The following CHSY3 variants were observed in gnomAD, a reference collection of about 807,000 sequenced individuals.
CHSY3 encodes the protein N-acetylgalactosaminyl-proteoglycan 3-beta-glucuronosyltransferase 3.
A neutral mutation model predicts 67.2 loss-of-function variants in CHSY3; 35 were observed. The ratio of observed to expected loss-of-function variants is 0.52; its 90% confidence interval spans 0.40 to 0.69. The LOEUF is 0.69. CHSY3 is among the 30% of genes least tolerant of loss of function. CHSY3 has a pLI of 0.00. For missense variants in CHSY3, 1,069 were observed against 1,138.5 expected (o/e 0.94, Z 0.88); for synonymous variants, 474 against 434.7 (o/e 1.09, Z -1.12).
chr5:130,179,440 A>T (rs1770179562), intron 2 of CHSY3, among the ~76,000 whole-genome samples: 1 of 151,636 alleles, frequency 6.6e-6, no homozygotes, highest in African/African-American at 2.4e-5. Context: ...TCACTTTCCT[A>T]ATTTCTGCCG....
At chr5:129,922,998 G>C (rs1268263796) in intron 2 of CHSY3, among the ~76,000 whole-genome samples, 1 of 152,250 alleles carries the variant, frequency 6.6e-6, no homozygotes, top group African/African-American at 2.4e-5. Flanking sequence ...ACCGTGATCA[G>C]ATTACCTCTT....
At chr5:129,933,207 G>A (rs530425448) in intron 2 of CHSY3, among the ~76,000 whole-genome samples, 6 of 152,058 alleles carry the variant, frequency 3.9e-5, no homozygotes, top group Non-Finnish European at 7.4e-5. Context: ...GAAGTGACCC[G>A]GTGCAAACTC....
chr5:130,152,354 G>A (rs927166784), intron 2 of CHSY3, among the ~76,000 whole-genome samples: 1 of 152,168 alleles, frequency 6.6e-6, no homozygotes, highest in Admixed American at 6.5e-5. Flanking sequence ...GCTGCAGACT[G>A]ACTATTAATG....
At chr5:130,013,761 C>G (rs1348407657) in intron 2 of CHSY3, among the ~76,000 whole-genome samples, 1 of 152,232 alleles carries the variant, frequency 6.6e-6, no homozygotes, top group Admixed American at 6.5e-5. Context: ...GCGATTAAGT[C>G]TCTGACATGC....
rs535380425 is a variant in CHSY3, at chr5:130,127,742, T to C, written c.1087-56487T>C. On this transcript the variant is annotated intron_variant, in intron 2 of 2. Coordinates refer to ENST00000305031, the MANE Select transcript of CHSY3 (RefSeq NM_175856.5). ...TATCATACCATCAGCTTCTTAAGGA[T>C]TAAAACCTGTTTCTGGTGCTTTTTC... Among the ~76,000 whole-genome samples, 10 of 152,320 alleles carry C rather than the reference T, an allele frequency of 6.6e-5. No individual in the cohort carries two copies. In the East Asian group the frequency reaches 1.7e-3, roughly 26 times the overall value.
At chr5:130,020,461 A>ATATATTTT (rs1371121130) in intron 2 of CHSY3, among the ~76,000 whole-genome samples, 13 of 79,928 alleles carry the variant, frequency 1.6e-4, no homozygotes, top group Non-Finnish European at 4.5e-5. Flanking sequence ...ATATATATAT[A>ATATATTTT]TTTTTTTTTT....
At chr5:129,913,267 AG>A (rs1475737479) in intron 2 of CHSY3, among the ~76,000 whole-genome samples, 1 of 152,184 alleles carries the variant, frequency 6.6e-6, no homozygotes, top group Non-Finnish European at 1.5e-5. Flanking sequence ...TGGCTTACAT[AG>A]GCATAAAAGT....
intron 2 of CHSY3, among the ~76,000 whole-genome samples, chr5:130,099,696 C>T (rs62393170): frequency 0.23 from 34,689 of 152,056 alleles, 4,174 homozygotes; most frequent in East Asian, 0.37. Flanking sequence ...TGTGAATACT[C>T]TTATAAGTGC....
Position 130,143,738 on chromosome 5 carries a change from ATATATATATATATATATATGTGTGTG to A in CHSY3, c.1087-40489_1087-40464del, listed in dbSNP as rs1768954161. On this transcript the variant is annotated intron_variant, in intron 2 of 2. Coordinates refer to ENST00000305031, the MANE Select transcript of CHSY3 (RefSeq NM_175856.5). ...TATATATATGTGTGTGTGTGTGTAT[ATATATATATATATATATATGTGTGTG>A]TGTGTATATATATATATGTGTATAT... is the stretch of plus-strand genomic sequence containing the variant. 2.8e-5 allele frequency among the ~76,000 whole-genome samples: 3 copies of A among 107,452 alleles called. No individual in the cohort carries two copies. The East Asian group carries it at 9.2e-4, about 33-fold the overall frequency. The allele number at this position is 107,452 out of a possible 152,430, so 70.5% of individuals were successfully genotyped here.
At chr5:129,975,345 G>A (rs952332046) in intron 2 of CHSY3, among the ~76,000 whole-genome samples, 3 of 152,064 alleles carry the variant, frequency 2.0e-5, no homozygotes, top group African/African-American at 7.2e-5. Flanking sequence ...ATTTTAAAAT[G>A]ATTACTTTAT....
At chr5:130,151,967 G>T (rs1769244469) in intron 2 of CHSY3, among the ~76,000 whole-genome samples, 1 of 152,202 alleles carries the variant, frequency 6.6e-6, no homozygotes, top group Non-Finnish European at 1.5e-5. Context: ...ATACATCTGA[G>T]AAGTTTTTAA....
Position 130,185,745 on chromosome 5 carries a change from G to T in CHSY3, c.2603G>T (p.Trp868Leu). The T allele has an allele frequency of 6.2e-7, 1 of 1,610,550 alleles. No individual in the cohort carries two copies. Among genetic ancestry groups the T allele is most frequent in the Non-Finnish European group, 8.5e-7 (1 of 1,177,652 alleles). ...FASTMQLAEL[W>L]LEKHLGVRYN... ...TCAACCATGCAACTGGCTGAACTCT[G>T]GCTTGAAAAACATTTAGGTGTCAGG... Residue 868 changes from tryptophan (W) to leucine (L), a missense_variant, in exon 3 of 3, where the codon TGG (tryptophan) becomes TTG (leucine). By Grantham distance (61) the Trp-to-Leu change is moderately conservative. Coordinates refer to ENST00000305031, the MANE Select transcript of CHSY3 (RefSeq NM_175856.5).
At chr5:130,026,232 T>C (rs1285181545) in intron 2 of CHSY3, among the ~76,000 whole-genome samples, 2 of 152,180 alleles carry the variant, frequency 1.3e-5, no homozygotes, top group Non-Finnish European at 2.9e-5. Flanking sequence ...ATAGCATTCA[T>C]AGATTGAAAT....
At chr5:130,153,521 C>T (rs942941068) in intron 2 of CHSY3, among the ~76,000 whole-genome samples, 5 of 152,072 alleles carry the variant, frequency 3.3e-5, no homozygotes, top group African/African-American at 4.8e-5. Flanking sequence ...TAAATCTCAG[C>T]GTATAATCCC....
intron 2 of CHSY3, among the ~76,000 whole-genome samples, chr5:129,993,718 T>G (rs1763440312): frequency 6.6e-6 from 1 of 152,096 alleles, no homozygotes; most frequent in Non-Finnish European, 1.5e-5. Flanking sequence ...ACATTTAAAG[T>G]TAATATTGTT....
At chr5:130,109,936 A>C (rs1767538221) in intron 2 of CHSY3, among the ~76,000 whole-genome samples, 2 of 151,914 alleles carry the variant, frequency 1.3e-5, no homozygotes. Flanking sequence ...GTATTAAGCA[A>C]GGAAAAGAGA....
At chr5:130,096,701 T>A (rs575134998) in intron 2 of CHSY3, among the ~76,000 whole-genome samples, 1 of 152,256 alleles carries the variant, frequency 6.6e-6, no homozygotes, top group Middle Eastern at 3.4e-3. Context: ...GCCAACCATT[T>A]TTTTTAGTAT....
At chr5:130,057,367 G>GA (rs1163446251) in intron 2 of CHSY3, among the ~76,000 whole-genome samples, 1 of 151,894 alleles carries the variant, frequency 6.6e-6, no homozygotes. Context: ...AAATTACTAA[G>GA]AAAAAACTTC....
chr5:129,905,391 G>A lies in CHSY3; in HGVS notation c.562G>A (p.Ala188Thr). ...CGCGCAGAAGTACCTGGGCAGCCGC[G>A]CGCTGGCCGCGCAGCGGACCTGGGC... ...MTAQKYLGSR[A>T]LAAQRTWARF... Residue 188 changes from alanine to threonine, a missense_variant, in exon 1 of 3, where the codon GCG (alanine) becomes ACG (threonine). Coordinates refer to ENST00000305031, the MANE Select transcript of CHSY3 (RefSeq NM_175856.5). The A allele has an allele frequency of 6.2e-7, 1 of 1,603,042 alleles. No homozygotes were observed.
Sources: allele counts gnomAD v4.1 joint callset (sites outside exome capture counted in the v4.1 genomes callset), GRCh38; gene constraint gnomAD v4.1.1; transcripts MANE v1.5; gene names NCBI Gene and HGNC (gene_info 2026-07-23, HGNC 2026-07-21).